Variants in PATJ observed in about 807,000 individuals in gnomAD.
The protein encoded by PATJ is inaD-like protein.
In PATJ, 190 loss-of-function variants were observed where a neutral mutation model predicts 224.9. The observed-to-expected ratio is 0.84, with a 90% CI of 0.75 to 0.95. The LOEUF (loss-of-function observed/expected upper bound fraction) is 0.95, where lower values mean the gene tolerates loss of function less well. PATJ is among the 40% of genes least tolerant of loss of function. PATJ has a pLI of 0.00. For synonymous variants in PATJ, 769 were observed against 820.3 expected (o/e 0.94, Z 1.07); for missense variants, 2,121 against 2,270.3 (o/e 0.93, Z 1.34).
intron 7 of PATJ, among the ~76,000 whole-genome samples, chr1:61,785,629 T>C (rs1648344228): frequency 6.6e-6 from 1 of 152,214 alleles, no homozygotes; most frequent in South Asian, 2.1e-4. Flanking sequence ...GTGTTAACAT[T>C]GTGGTATCTT....
intron 30 of PATJ, among the ~76,000 whole-genome samples, chr1:62,042,979 G>C (rs111643483): frequency 4.6e-5 from 7 of 152,272 alleles, no homozygotes; most frequent in African/African-American, 1.7e-4. Flanking sequence ...CAATGTTCTA[G>C]ACCCGAAGGG....
At chr1:61,750,628 C>T (rs1276978520) in intron 1 of PATJ, among the ~76,000 whole-genome samples, 5 of 151,798 alleles carry the variant, frequency 3.3e-5, no homozygotes, top group South Asian at 2.1e-4. Flanking sequence ...TGAGTAGAGA[C>T]GGGGGTTTCT....
chr1:62,157,831 CAAAAAAA>C (rs1160300843), intron 43 of PATJ, among the ~76,000 whole-genome samples: 4 of 59,784 alleles, frequency 6.7e-5, no homozygotes, highest in South Asian at 7.0e-4. Flanking sequence ...ACTCTGTCTC[CAAAAAAA>C]AAAAAAAAAA....
At chr1:62,100,163 C>T (rs1420130686) in intron 33 of PATJ, among the ~76,000 whole-genome samples, 1 of 152,098 alleles carries the variant, frequency 6.6e-6, no homozygotes, top group Admixed American at 6.6e-5. Context: ...CTGGAAACTT[C>T]AATGGATTTA....
intron 25 of PATJ, 67 bp downstream of exon 25, chr1:61,908,549 C>T: frequency 5.4e-6 from 5 of 918,056 alleles, no homozygotes; most frequent in Non-Finnish European, 8.8e-6. Flanking sequence ...CAAGCTTTGG[C>T]CTCTAAGTAT....
chr1:61,857,267 G>A (rs760368638), intron 18 of PATJ, among the ~76,000 whole-genome samples: 4 of 152,124 alleles, frequency 2.6e-5, no homozygotes, highest in Non-Finnish European at 5.9e-5. Flanking sequence ...CTTACTAAAT[G>A]TCATTCTTTC....
intron 42 of PATJ, among the ~76,000 whole-genome samples, chr1:62,151,851 T>C (rs1008642501): frequency 1.3e-5 from 2 of 152,204 alleles, no homozygotes; most frequent in Non-Finnish European, 2.9e-5. Context: ...TTTTGAGCAA[T>C]AGCATTTGGG....
chr1:61,792,305 G>T (rs1650048421), intron 9 of PATJ, among the ~76,000 whole-genome samples: 1 of 152,074 alleles, frequency 6.6e-6, no homozygotes, highest in Non-Finnish European at 1.5e-5. Context: ...AGAATTTAAT[G>T]ACATTCAAAA....
chr1:62,084,233 G>A (rs1252346034), intron 32 of PATJ, among the ~76,000 whole-genome samples: 2 of 152,042 alleles, frequency 1.3e-5, no homozygotes, highest in South Asian at 2.1e-4. Flanking sequence ...CAGCCTGGGC[G>A]ACAGAGTAAG....
chr1:61,988,134 G>A (rs541546856), intron 27 of PATJ, among the ~76,000 whole-genome samples: 2 of 152,292 alleles, frequency 1.3e-5, no homozygotes, highest in South Asian at 2.1e-4. Flanking sequence ...GGGAGGTGGA[G>A]GTTGCCCTGA....
At chr1:61,792,176 G>A (rs1319163917) in intron 9 of PATJ, among the ~76,000 whole-genome samples, 1 of 152,106 alleles carries the variant, frequency 6.6e-6, no homozygotes, top group Non-Finnish European at 1.5e-5. Flanking sequence ...AGGATTAAGA[G>A]TGCTAATGTA....
In PATJ at chr1:61,805,449, A is replaced by T. The variant is rs924706985; in HGVS notation, c.1551A>T (p.Glu517Asp). Residue 517 changes from glutamate (E) to aspartate (D), a missense_variant and splice_region_variant, in exon 13 of 44, where the codon GAA becomes GAT. Transcript: ENST00000642238. ...TCTCTCTTTTTTTTTAATATCCAGA[A>T]AAAGTCCCAGACTCTCCAGAAAATG... ...NDNIQALEKL[E>D]KVPDSPENEL... The T allele has an allele frequency of 6.3e-7, 1 of 1,596,582 alleles. No individual in the cohort carries two copies. The highest frequency in any genetic ancestry group is 1.3e-5 in the African/African-American group (1 of 74,522).
At chr1:62,069,109 G>C (rs1656974796) in intron 31 of PATJ, among the ~76,000 whole-genome samples, 1 of 152,122 alleles carries the variant, frequency 6.6e-6, no homozygotes, top group Admixed American at 6.5e-5. Flanking sequence ...AAAATAAGCA[G>C]GCATGACTTG....
intron 28 of PATJ, among the ~76,000 whole-genome samples, chr1:62,002,780 T>TA (rs898015507): frequency 2.0e-5 from 3 of 150,376 alleles, no homozygotes; most frequent in African/African-American, 7.3e-5. Flanking sequence ...TAGGGAGTGA[T>TA]AGAGTCCTTT....
At chr1:61,871,064 GTTTTTGTTT>G (rs1557791158) in intron 20 of PATJ, among the ~76,000 whole-genome samples, 1 of 126,140 alleles carries the variant, frequency 7.9e-6, no homozygotes, top group East Asian at 3.1e-4. Context: ...TAAAGATTTG[GTTTTTGTTT>G]TTTTTGTTTT....
intron 28 of PATJ, among the ~76,000 whole-genome samples, chr1:61,997,813 T>C (rs527667684): frequency 8.7e-6 from 1 of 115,560 alleles, no homozygotes; most frequent in South Asian, 2.8e-4. Flanking sequence ...TTGTTTTGTT[T>C]TGTTTTGTTT....
intron 42 of PATJ, among the ~76,000 whole-genome samples, chr1:62,150,279 A>C (rs1668486285): frequency 6.6e-6 from 1 of 152,216 alleles, no homozygotes; most frequent in Admixed American, 6.5e-5. Context: ...CTTAGATACA[A>C]GTGCTAGGTC....
intron 26 of PATJ, among the ~76,000 whole-genome samples, chr1:61,923,297 A>G (rs1333833527): frequency 6.6e-6 from 1 of 152,134 alleles, no homozygotes; most frequent in Non-Finnish European, 1.5e-5. Context: ...GCATTTTACT[A>G]CATTCTGGAA....
chr1:62,125,260 A>AC lies in PATJ; in HGVS notation c.5043+2202_5043+2203insC, dbSNP rs1665588710. Among the ~76,000 whole-genome samples, 7 of 108,820 alleles carry AC rather than the reference A, an allele frequency of 6.4e-5. 1 individual carries two copies. Among genetic ancestry groups the AC allele is most frequent in the Non-Finnish European group, 9.6e-5 (5 of 52,242 alleles). 71.4% of individuals were successfully genotyped at this position (108,820 alleles called of 152,430 possible). ...TCAAAAAAAAAAAAAAAAACAAAAA[A>AC]AAACAAAAAAAAAACGCCATTAGCT... On this transcript the variant is annotated intron_variant, in intron 39 of 43. Transcript: ENST00000642238.
Sources: allele counts gnomAD v4.1 joint callset (sites outside exome capture counted in the v4.1 genomes callset), GRCh38; gene constraint gnomAD v4.1.1; transcripts MANE v1.5; gene names NCBI Gene and HGNC (gene_info 2026-07-23, HGNC 2026-07-21).